The following JPH2 variants were observed in gnomAD, a reference collection of about 807,000 sequenced individuals.
The protein encoded by JPH2 is junctophilin 2.
JPH2 carries 38 observed loss-of-function variants against 55.9 expected under a neutral mutation model. That is an observed-to-expected ratio of 0.68 (90% CI 0.52 to 0.89). The LOEUF is 0.89. JPH2 is among the 40% of genes least tolerant of loss of function. The pLI, the probability that JPH2 is intolerant of heterozygous loss-of-function variation, is 0.00. For missense variants in JPH2, 964 were observed against 1,037.6 expected (o/e 0.93, Z 0.97); for synonymous variants, 480 against 472.4 (o/e 1.02, Z -0.21).
At chr20:44,121,218 A>G (rs2072233891) in intron 2 of JPH2, among the ~76,000 whole-genome samples, 1 of 152,186 alleles carries the variant, frequency 6.6e-6, no homozygotes, top group African/African-American at 2.4e-5. Flanking sequence ...GGGCGGGTCA[A>G]TGAGCCAGGT....
At chr20:44,175,873 G>A (rs898760191) in intron 1 of JPH2, among the ~76,000 whole-genome samples, 1 of 152,172 alleles carries the variant, frequency 6.6e-6, no homozygotes, top group African/African-American at 2.4e-5. Flanking sequence ...AAAGGTCAAG[G>A]GGAGAGGGTC....
At position 44,161,625 on chromosome 20, in the gene JPH2, C is replaced by T. The variant is rs144436732; in HGVS notation, c.380-1218G>A. 1.9e-3 allele frequency among the ~76,000 whole-genome samples: 285 copies of T among 152,090 alleles called. 2 individuals carry two copies. The highest frequency in any genetic ancestry group is 6.7e-3 in the African/African-American group (276 of 41,476). ...TGAGGTTTAAATGAGTTAATGTCTC[C>T]GAAAAACTCTGAAAGCAAAGATATG... is the stretch of plus-strand genomic sequence containing the variant. On this transcript the variant is annotated intron_variant, in intron 1 of 5. Coordinates refer to ENST00000372980, the MANE Select transcript of JPH2 (RefSeq NM_020433.5).
chr20:44,107,473 C>T lies in JPH2; in HGVS notation c.*6045G>A, dbSNP rs1036101398. Reference sequence around the variant, plus strand: ...GGAATATGAGCAGAAGTGATGTGTGCTGTTTTCCTGGTGAAAGTTTTTAGG... The same window carrying T: ...GGAATATGAGCAGAAGTGATGTGTGTTGTTTTCCTGGTGAAAGTTTTTAGG... On this transcript the variant is annotated 3_prime_UTR_variant, in exon 6 of 6. Transcript: ENST00000372980. Among the ~76,000 whole-genome samples, 1 of 152,188 alleles carries T rather than the reference C, an allele frequency of 6.6e-6. No homozygotes were observed. The highest frequency in any genetic ancestry group is 2.4e-5 in the African/African-American group (1 of 41,432).
intron 2 of JPH2, among the ~76,000 whole-genome samples, chr20:44,137,635 T>C (rs2072423854): frequency 6.6e-6 from 1 of 152,234 alleles, no homozygotes; most frequent in African/African-American, 2.4e-5. Context: ...AGCCTTCCTC[T>C]GGACAACTGC....
chr20:44,181,012 C>T (rs1433321905), intron 1 of JPH2, among the ~76,000 whole-genome samples: 1 of 151,696 alleles, frequency 6.6e-6, no homozygotes, highest in Non-Finnish European at 1.5e-5. Flanking sequence ...TTTAGCTTTG[C>T]TATATATGGC....
At chr20:44,132,351 G>GACACACAC (rs1491055196) in intron 2 of JPH2, among the ~76,000 whole-genome samples, 2 of 67,428 alleles carry the variant, frequency 3.0e-5, no homozygotes, top group African/African-American at 5.6e-5. Flanking sequence ...GAGGCAGACA[G>GACACACAC]ACAGACACAC....
At chr20:44,120,742 A>C (rs948817186) in intron 2 of JPH2, among the ~76,000 whole-genome samples, 7 of 152,230 alleles carry the variant, frequency 4.6e-5, no homozygotes, top group African/African-American at 2.4e-5. Context: ...TAAGCTTAAA[A>C]AAAACAAATC....
chr20:44,150,621 T>C (rs1459091082), intron 2 of JPH2, among the ~76,000 whole-genome samples: 2 of 152,210 alleles, frequency 1.3e-5, no homozygotes, highest in Non-Finnish European at 2.9e-5. Flanking sequence ...ATTTCCCAAC[T>C]TCAAAACTTA....
At chr20:44,125,386 T>G (rs1038552260) in intron 2 of JPH2, among the ~76,000 whole-genome samples, 5 of 152,226 alleles carry the variant, frequency 3.3e-5, no homozygotes, top group Non-Finnish European at 7.3e-5. Flanking sequence ...GGTTATTTGT[T>G]GAGCACTGTG....
intron 1 of JPH2, among the ~76,000 whole-genome samples, chr20:44,168,917 G>C (rs571127382): frequency 3.7e-4 from 56 of 152,114 alleles, no homozygotes; most frequent in Non-Finnish European, 7.5e-4. Context: ...CCCTCCCTTG[G>C]GGGTGAGTGA....
In JPH2 at chr20:44,134,719, T is replaced by TATATAAAA. The variant is rs1569195338; in HGVS notation, c.1170-16097_1170-16096insTTTTATAT. Among the ~76,000 whole-genome samples, 9 of 58,176 alleles carry TATATAAAA rather than the reference T, an allele frequency of 1.5e-4. No individual in the cohort carries two copies. The Admixed American group carries it at 1.6e-3, about 10-fold the overall frequency. 38.2% of individuals were successfully genotyped at this position (58,176 alleles called of 152,430 possible). A position where few individuals can be genotyped will look rare whatever the true frequency, so the allele number is the denominator to read the frequency against. ...TATATACATTAATATATATTATAAA[T>TATATAAAA]ATATATTTATTATAAATATATAAAG... On this transcript the variant is annotated intron_variant, in intron 2 of 5. Coordinates refer to ENST00000372980, the MANE Select transcript of JPH2 (RefSeq NM_020433.5).
At position 44,179,482 on chromosome 20, in the gene JPH2, A is replaced by C. The variant is rs558620091; in HGVS notation, c.379+6845T>G. Among the ~76,000 whole-genome samples the C allele has an allele frequency of 2.2e-4, 34 of 152,314 alleles. 1 individual carries two copies. The highest frequency in any genetic ancestry group is 8.3e-4 in the South Asian group (4 of 4,822). The stretch of plus-strand genomic sequence containing the variant: ...CAGTGCCCATAAGACTTTTAGCCGG[A>C]GTCTGGTACATAGTAAAGGCATATT... On this transcript the variant is annotated intron_variant, in intron 1 of 5. Coordinates refer to ENST00000372980, the MANE Select transcript of JPH2 (RefSeq NM_020433.5).
At chr20:44,156,806 T>C (rs1172279950) in intron 2 of JPH2, among the ~76,000 whole-genome samples, 1 of 152,186 alleles carries the variant, frequency 6.6e-6, no homozygotes, top group Non-Finnish European at 1.5e-5. Flanking sequence ...CGACATGAGT[T>C]TTGGAGGGGA....
At chr20:44,130,135 G>T (rs145198384) in intron 2 of JPH2, among the ~76,000 whole-genome samples, 1 of 152,170 alleles carries the variant, frequency 6.6e-6, no homozygotes, top group Non-Finnish European at 1.5e-5. Flanking sequence ...ACTTTACAGC[G>T]GAAGAAACGC....
At chr20:44,114,605 TGTGTGC>T (rs1181548607) in intron 5 of JPH2, among the ~76,000 whole-genome samples, 171 bp downstream of exon 5, 3 of 116,148 alleles carry the variant, frequency 2.6e-5, no homozygotes, top group East Asian at 2.3e-4. Flanking sequence ...TGTGTGTGTG[TGTGTGC>T]GCTGGTATCA....
Position 44,160,211 on chromosome 20 carries a change from CG to C in JPH2, c.575del (p.Ser192CysfsTer114). On this transcript the variant is annotated frameshift_variant, in exon 2 of 6. Transcript: ENST00000372980. LOFTEE classifies it high-confidence loss of function. The surrounding 1 kb of genome is among the most constrained non-coding windows in gnomAD (Gnocchi z 4.9). Reference protein sequence around the residue: ...SPASDGPALPSPAIPRGGFAL... With the variant: ...SPASDGPALPXPAIPRGGFAL... ...CGAAGCCGCCACGCGGGATGGCGGG[CG>C]AGGGCAGCGCGGGGCCGTCGGAGGC... is the stretch of plus-strand genomic sequence containing the variant. 1 of 1,423,486 alleles carries C rather than the reference CG, an allele frequency of 7.0e-7. No individual in the cohort carries two copies. The highest frequency in any genetic ancestry group is 9.1e-7 in the Non-Finnish European group (1 of 1,097,728). The allele number at this position is 1,423,486 out of a possible 1,614,324, so 88.2% of individuals were successfully genotyped here.
In JPH2 at chr20:44,131,166, C is replaced by T. The variant is rs555828869; in HGVS notation, c.1170-12543G>A. ...AATATGCAAAAGTCATGGGATGTCA[C>T]TTCCATGATTCGTTTAGACTGTGAC... On this transcript the variant is annotated intron_variant, in intron 2 of 5. Coordinates refer to ENST00000372980, the MANE Select transcript of JPH2 (RefSeq NM_020433.5). Among the ~76,000 whole-genome samples the T allele has an allele frequency of 1.2e-4, 19 of 152,324 alleles. No homozygotes were observed. The South Asian group carries it at 3.9e-3, about 32-fold the overall frequency.
intron 2 of JPH2, among the ~76,000 whole-genome samples, chr20:44,132,347 G>GACACAC (rs1440487442): frequency 1.5e-4 from 13 of 88,822 alleles, no homozygotes; most frequent in African/African-American, 6.5e-4. Flanking sequence ...AAGGGAGGCA[G>GACACAC]ACAGACAGAC....
intron 5 of JPH2, among the ~76,000 whole-genome samples, 172 bp downstream of exon 5, chr20:44,114,610 G>A (rs967733727): frequency 7.4e-6 from 1 of 134,522 alleles, no homozygotes. Flanking sequence ...GTGTGTGTGT[G>A]CGCTGGTATC....
Sources: allele counts gnomAD v4.1 joint callset (sites outside exome capture counted in the v4.1 genomes callset), GRCh38; gene constraint gnomAD v4.1.1; non-coding constraint Gnocchi (gnomAD v3.1); transcripts MANE v1.5; gene names NCBI Gene and HGNC (gene_info 2026-07-23, HGNC 2026-07-21).